The following EEF2K variants were observed in gnomAD, a reference collection of about 807,000 sequenced individuals.
EEF2K encodes the protein alternative protein EEF2K.
Under a neutral mutation model 93.8 loss-of-function variants are expected in EEF2K, and 70 were observed. The ratio of observed to expected loss-of-function variants is 0.75; its 90% CI spans 0.62 to 0.91. EEF2K has a LOEUF of 0.91. Among genes scored for constraint, EEF2K ranks in the 40% least tolerant of loss-of-function variants. EEF2K has a pLI of 0.00. For synonymous variants in EEF2K, 376 were observed against 380.8 expected, an observed-to-expected ratio of 0.99 and a Z score of 0.15; for missense variants, 935 against 972.9, an observed-to-expected ratio of 0.96 and a Z score of 0.52.
At chr16:22,253,004 G>A (rs1468673127) in intron 6 of EEF2K, among the ~76,000 whole-genome samples, 3 of 152,198 alleles carry the variant, frequency 2.0e-5, no homozygotes, top group African/African-American at 7.2e-5. Flanking sequence ...TGAGCTTTGA[G>A]TGGGGACACA....
intron 1 of EEF2K, among the ~76,000 whole-genome samples, chr16:22,210,097 A>G (rs969653488): frequency 6.6e-6 from 1 of 151,920 alleles, no homozygotes; most frequent in African/African-American, 2.4e-5. Context: ...CAACCATATA[A>G]GAAGGCTTCA....
At chr16:22,270,576 G>A (rs2047568844) in intron 15 of EEF2K, among the ~76,000 whole-genome samples, 1 of 152,158 alleles carries the variant, frequency 6.6e-6, no homozygotes, top group African/African-American at 2.4e-5. Context: ...TTTGACAGCT[G>A]CATAATGTTC....
In EEF2K at chr16:22,273,711, CG is replaced by C; in HGVS notation, c.1851del (p.Arg618GlufsTer18). ...AGDRQSMILVARAFDSGQNLS... is the reference protein window; with the variant it reads ...AGDRQSMILVXRAFDSGQNLS... ...GACAGGCAGTCCATGATCCTAGTGG[CG>C]CGAGCTTTTGACTCTGGCCAGAACC... On this transcript the variant is annotated frameshift_variant, in exon 16 of 18. Transcript: ENST00000263026. LOFTEE classifies it high-confidence loss of function. 1 of 1,614,030 alleles carries C rather than the reference CG, an allele frequency of 6.2e-7. No individual in the cohort carries two copies. The highest frequency in any genetic ancestry group is 1.1e-5 in the South Asian group (1 of 91,080).
chr16:22,241,825 C>T (rs2047226577), intron 2 of EEF2K, among the ~76,000 whole-genome samples: 1 of 151,860 alleles, frequency 6.6e-6, no homozygotes, highest in Admixed American at 6.6e-5. Context: ...TTGAACTCTG[C>T]AGAGGTAAAA....
intron 17 of EEF2K, among the ~76,000 whole-genome samples, chr16:22,282,080 G>A (rs955368108): frequency 1.3e-5 from 2 of 152,074 alleles, no homozygotes; most frequent in Admixed American, 6.6e-5. Flanking sequence ...GGGCAACATA[G>A]GTAAACCTCA....
At chr16:22,239,611 GAACAGCCTGGGC>G (rs1261272542) in intron 2 of EEF2K, among the ~76,000 whole-genome samples, 1 of 151,992 alleles carries the variant, frequency 6.6e-6, no homozygotes, top group Non-Finnish European at 1.5e-5. Flanking sequence ...AGAAGTTTGA[GAACAGCCTGGGC>G]AACATACCGA....
chr16:22,225,873 G>A lies in EEF2K; in HGVS notation c.144G>A (p.Ser48=), dbSNP rs529625938. The A allele has an allele frequency of 2.5e-6, 4 of 1,614,184 alleles. No homozygotes were observed. Among genetic ancestry groups the A allele is most frequent in the Admixed American group, 3.3e-5 (2 of 60,002 alleles). Residue 48 remains serine, a synonymous_variant, in exon 2 of 18, where the codon TCG becomes TCA. Transcript: ENST00000263026. ...FICPITDDPS[S]NQNVNSKVNK... is the part of the protein sequence containing the mutation. ...GCCCCATCACGGATGACCCAAGCTCGAACCAGAATGTCAATTCCAAGGTTA... is the reference window on the plus strand; with the variant it reads ...GCCCCATCACGGATGACCCAAGCTCAAACCAGAATGTCAATTCCAAGGTTA...
rs778241293 is a variant in EEF2K, at chr16:22,280,392, CCTGCCCCTGGG to C, written c.2068+21_2068+31del. On this transcript the variant is annotated intron_variant, in intron 17 of 17. Transcript: ENST00000263026. ...CAGAGATCAGGTAGGGCCTGGCAGA[CCTGCCCCTGGG>C]CTGCAACAGGGCTGGGCAGGGAGGA... The C allele has an allele frequency of 7.7e-5, 114 of 1,479,862 alleles. No individual in the cohort carries two copies. Among genetic ancestry groups the C allele is most frequent in the Non-Finnish European group, 1.0e-4 (111 of 1,108,790 alleles). The allele number at this position is 1,479,862 out of a possible 1,614,324, so 91.7% of individuals were successfully genotyped here.
chr16:22,235,082 C>T (rs779764457), intron 2 of EEF2K, among the ~76,000 whole-genome samples: 3 of 151,242 alleles, frequency 2.0e-5, no homozygotes, highest in African/African-American at 4.9e-5. Flanking sequence ...GGCATGGGGG[C>T]GCACACCTGT....
intron 6 of EEF2K, among the ~76,000 whole-genome samples, chr16:22,252,873 A>G (rs2047364537): frequency 6.6e-6 from 1 of 152,110 alleles, no homozygotes; most frequent in South Asian, 2.1e-4. Context: ...AAACCATCAG[A>G]TCTCGTGAGA....
chr16:22,234,542 A>G (rs1334070644), intron 2 of EEF2K, among the ~76,000 whole-genome samples: 5 of 131,846 alleles, frequency 3.8e-5, no homozygotes, highest in East Asian at 4.1e-4. Flanking sequence ...GGGCAACAGG[A>G]AAAAAAAAAA....
intron 2 of EEF2K, among the ~76,000 whole-genome samples, chr16:22,243,916 C>T (rs375082649): frequency 1.1e-4 from 13 of 115,906 alleles, no homozygotes; most frequent in South Asian, 9.4e-4. Flanking sequence ...AAGTAAGACC[C>T]TGTCTCAAAA....
chr16:22,238,405 G>T (rs754810130), intron 2 of EEF2K, among the ~76,000 whole-genome samples: 1 of 151,936 alleles, frequency 6.6e-6, no homozygotes, highest in Admixed American at 6.6e-5. Flanking sequence ...GATCATTATG[G>T]CATTATAAGT....
intron 3 of EEF2K, among the ~76,000 whole-genome samples, chr16:22,246,078 C>T (rs1038546207): frequency 2.0e-5 from 3 of 152,134 alleles, no homozygotes; most frequent in African/African-American, 4.8e-5. Context: ...ATCGCAAGCC[C>T]GAAGTGGTTT....
Position 22,214,760 on chromosome 16 carries a change from T to C in EEF2K, c.-77+8081T>C, listed in dbSNP as rs1035749880. ...TGCGTCTTGAAGAGATTAAAGGGTT[T>C]TGCTAGTGAGTGGGAAAGGGATTCC... On this transcript the variant is annotated intron_variant, in intron 1 of 17. Transcript: ENST00000263026. Among the ~76,000 whole-genome samples, 5 of 152,260 alleles carry C rather than the reference T, an allele frequency of 3.3e-5. No individual in the cohort carries two copies. The East Asian group carries it at 9.6e-4, about 29-fold the overall frequency.
intron 1 of EEF2K, among the ~76,000 whole-genome samples, chr16:22,217,598 T>G (rs2046971139): frequency 6.6e-6 from 1 of 151,994 alleles, no homozygotes. Context: ...GATTACCGGC[T>G]CGTGCCACCA....
chr16:22,242,703 C>G (rs1019935730), intron 2 of EEF2K, among the ~76,000 whole-genome samples: 1 of 151,968 alleles, frequency 6.6e-6, no homozygotes, highest in African/African-American at 2.4e-5. Context: ...TAGGGAAGGC[C>G]GGGAATGCCA....
chr16:22,231,765 G>A (rs1032610836), intron 2 of EEF2K, among the ~76,000 whole-genome samples: 2 of 151,786 alleles, frequency 1.3e-5, no homozygotes, highest in African/African-American at 2.4e-5. Context: ...GCTGGGGCAG[G>A]TGGATCACGA....
chr16:22,261,689 C>CAA (rs540197847), intron 11 of EEF2K, among the ~76,000 whole-genome samples: 7 of 88,194 alleles, frequency 7.9e-5, no homozygotes, highest in Non-Finnish European at 9.4e-5. Flanking sequence ...GACTCAGTCT[C>CAA]AAAAAAAAAA....
Sources: gnomAD v4.1 joint callset for allele counts (sites outside exome capture counted in the v4.1 genomes callset) on GRCh38, gnomAD v4.1.1 for gene constraint, MANE v1.5 for transcripts, NCBI Gene and HGNC (gene_info 2026-07-23, HGNC 2026-07-21) for gene names.